The following CFAP54 variants were observed in gnomAD, a reference collection of about 807,000 sequenced individuals.
The protein encoded by CFAP54 is cilia and flagella associated protein 54.
A neutral mutation model predicts 370.4 loss-of-function variants in CFAP54; 290 were observed. That is an observed-to-expected ratio of 0.78 (90% CI 0.71 to 0.86). The LOEUF (loss-of-function observed/expected upper bound fraction) is 0.86. Ranked by LOEUF, CFAP54 falls within the 40% of genes least tolerant of loss-of-function variation. The pLI, the probability that CFAP54 is intolerant of heterozygous loss-of-function variation, is 0.00. For synonymous variants in CFAP54, 1,206 were observed against 1,236.5 expected (o/e 0.98, Z 0.52); for missense variants, 3,399 against 3,528.7 (o/e 0.96, Z 0.93).
intron 65 of CFAP54, among the ~76,000 whole-genome samples, chr12:96,821,043 AC>A (rs1293644714): frequency 1.3e-5 from 2 of 152,206 alleles, no homozygotes; most frequent in Middle Eastern, 3.4e-3. Context: ...TCTAGATTGT[AC>A]CCTCTGCCAC....
At chr12:96,640,383 T>C (rs1230596565) in intron 32 of CFAP54, among the ~76,000 whole-genome samples, 5 of 152,168 alleles carry the variant, frequency 3.3e-5, no homozygotes, top group African/African-American at 1.2e-4. Context: ...GTGAAGGACC[T>C]CTTCAAGGAG....
chr12:96,688,809 A>G, intron 42 of CFAP54, 107 bp from the exon 43 acceptor site: 1 of 571,018 alleles, frequency 1.8e-6, no homozygotes, highest in Non-Finnish European at 3.0e-6. Flanking sequence ...ATATGTATGC[A>G]TTTTTCTTAT....
At chr12:96,537,057 G>A (rs1955514939) in intron 12 of CFAP54, among the ~76,000 whole-genome samples, 1 of 152,084 alleles carries the variant, frequency 6.6e-6, no homozygotes, top group South Asian at 2.1e-4. Context: ...AACATTGCAG[G>A]AAGGTGCTAC....
chr12:96,862,011 A>G (rs1959891207), intron 67 of CFAP54, among the ~76,000 whole-genome samples: 1 of 152,182 alleles, frequency 6.6e-6, no homozygotes, highest in Non-Finnish European at 1.5e-5. Context: ...TACTAGTATT[A>G]AAAAGGCCTT....
At chr12:96,747,222 A>C (rs1958126110) in intron 55 of CFAP54, among the ~76,000 whole-genome samples, 1 of 152,214 alleles carries the variant, frequency 6.6e-6, no homozygotes, top group Non-Finnish European at 1.5e-5. Context: ...GTTGCAGAAT[A>C]ATTTTTATAC....
At chr12:96,757,346 A>G (rs891310651) in intron 57 of CFAP54, 149 bp from the exon 58 acceptor site, 2 of 446,966 alleles carry the variant, frequency 4.5e-6, no homozygotes, top group African/African-American at 2.0e-5. Context: ...ATCTATGGTC[A>G]AAAGTGCTAT....
intron 29 of CFAP54, among the ~76,000 whole-genome samples, chr12:96,626,144 GAGGCCA>G (rs1194850626): frequency 1.3e-5 from 2 of 152,146 alleles, no homozygotes; most frequent in Non-Finnish European, 2.9e-5. Flanking sequence ...AGCACTTTGG[GAGGCCA>G]AGGCAGGCAG....
Position 96,507,080 on chromosome 12 carries a change from T to G in CFAP54, c.720T>G (p.Leu240=). 1 of 1,532,044 alleles carries G rather than the reference T, an allele frequency of 6.5e-7. No homozygotes were observed. The highest frequency in any genetic ancestry group is 8.7e-7 in the Non-Finnish European group (1 of 1,145,836). 94.9% of individuals were successfully genotyped at this position (1,532,044 alleles called of 1,614,324 possible). A position where few individuals can be genotyped will look rare whatever the true frequency, so the allele number is the denominator to read the frequency against. Residue 240 remains leucine (L), a synonymous_variant, in exon 4 of 68, where the codon CTT becomes CTG. Coordinates refer to ENST00000524981, the MANE Select transcript of CFAP54 (RefSeq NM_001306084.2). ...IMQVALPQEH[L]CWIIFNGTIY... ...AAGTGGCTCTGCCACAAGAGCATCTTTGCTGGATTATCTTCAATGGTATAT... is the reference window on the plus strand; with the variant it reads ...AAGTGGCTCTGCCACAAGAGCATCTGTGCTGGATTATCTTCAATGGTATAT...
Position 96,824,437 on chromosome 12 carries a change from G to C in CFAP54, c.9097-4577G>C, listed in dbSNP as rs184240572. On this transcript the variant is annotated intron_variant, in intron 65 of 67. Transcript: ENST00000524981. ...TTAGTGACATAGACAGTGTCATTTT[G>C]TTTCATGGCTCTTAATGAAATCCTT... 1.1e-3 allele frequency among the ~76,000 whole-genome samples: 163 copies of C among 152,256 alleles called. 1 individual carries two copies. The highest frequency in any genetic ancestry group is 1.3e-3 in the Non-Finnish European group (89 of 68,024).
chr12:96,652,823 C>A (rs10777803), intron 36 of CFAP54, among the ~76,000 whole-genome samples: 120,143 of 152,076 alleles, frequency 0.79, 47,628 homozygotes, highest in East Asian at 0.86. Flanking sequence ...AGAACAATAA[C>A]GATAAAAAAG....
Position 96,732,548 on chromosome 12 carries a change from A to G in CFAP54, c.6966-7408A>G, listed in dbSNP as rs539520036. On this transcript the variant is annotated intron_variant, in intron 50 of 67. Coordinates refer to ENST00000524981, the MANE Select transcript of CFAP54 (RefSeq NM_001306084.2). ...AAATATTTTATTTATTTTAATATGTAATAGGTTTACTATTTTTATTTTAAG... is the reference window on the plus strand; with the variant it reads ...AAATATTTTATTTATTTTAATATGTGATAGGTTTACTATTTTTATTTTAAG... Among the ~76,000 whole-genome samples the G allele has an allele frequency of 5.3e-5, 8 of 152,302 alleles. No individual in the cohort carries two copies. The East Asian group carries it at 1.3e-3, about 26-fold the overall frequency.
intron 19 of CFAP54, among the ~76,000 whole-genome samples, 193 bp from the exon 20 acceptor site, chr12:96,576,392 C>T (rs552422193): frequency 6.6e-6 from 1 of 150,544 alleles, no homozygotes; most frequent in African/African-American, 2.4e-5. Flanking sequence ...CATGATTAAC[C>T]TTATCTAGTA....
chr12:96,867,948 T>G (rs1254284200), intron 67 of CFAP54, among the ~76,000 whole-genome samples: 2 of 152,218 alleles, frequency 1.3e-5, no homozygotes, highest in African/African-American at 2.4e-5. Context: ...ATTAATTGTC[T>G]CGATTTACCT....
rs1434606647 is a variant in CFAP54 at position 96,495,277 on chromosome 12, CTTCCTTCCTTCCTTCT to C, written c.317+5367_317+5382del. Among the ~76,000 whole-genome samples, 28 of 126,204 alleles carry C rather than the reference CTTCCTTCCTTCCTTCT, an allele frequency of 2.2e-4. 1 individual carries two copies. The highest frequency in any genetic ancestry group is 7.3e-4 in the Admixed American group (9 of 12,298). 82.8% of individuals were successfully genotyped at this position (126,204 alleles called of 152,430 possible). A position where few individuals can be genotyped will look rare whatever the true frequency, so the allele number is the denominator to read the frequency against. ...CCTTCCTTCCTTCCTTCCTTCCTTCCTTCCTTCCTTCCTTCTTTCCTTCCTTCCTTCCTTCCTTTTT... is the reference window on the plus strand; with the variant it reads ...CCTTCCTTCCTTCCTTCCTTCCTTCCTTCCTTCCTTCCTTCCTTCCTTTTT... On this transcript the variant is annotated intron_variant, in intron 1 of 67. Coordinates refer to ENST00000524981, the MANE Select transcript of CFAP54 (RefSeq NM_001306084.2).
intron 4 of CFAP54, among the ~76,000 whole-genome samples, chr12:96,508,591 A>AT (rs755495094): frequency 0.018 from 2,123 of 119,576 alleles, 37 homozygotes; most frequent in African/African-American, 0.043. Context: ...CGGCCTCTCA[A>AT]TTTTTTTTTT....
In CFAP54 at chr12:96,538,315, C is replaced by T. The variant is rs532940396; in HGVS notation, c.1792-69C>T. 631 of 1,300,312 alleles carry T rather than the reference C, an allele frequency of 4.9e-4. 8 individuals are homozygous for T. In the South Asian group the frequency reaches 8.5e-3, roughly 17 times the overall value. 80.5% of individuals were successfully genotyped at this position (1,300,312 alleles called of 1,614,324 possible). A position where few individuals can be genotyped will look rare whatever the true frequency, so the allele number is the denominator to read the frequency against. On this transcript the variant is annotated intron_variant, in intron 12 of 67. Coordinates refer to ENST00000524981, the MANE Select transcript of CFAP54 (RefSeq NM_001306084.2). ...GTAAAGCTCTTAGAGTGTTTCTCAG[C>T]ACACAGTAAATGTTATATACATGTA... is the stretch of plus-strand genomic sequence containing the variant.
At chr12:96,510,104 T>G (rs965206985) in intron 4 of CFAP54, among the ~76,000 whole-genome samples, 2 of 151,420 alleles carry the variant, frequency 1.3e-5, no homozygotes, top group African/African-American at 4.9e-5. Flanking sequence ...AATACAAAAA[T>G]TGGCCGGGTG....
Position 96,688,934 on chromosome 12 carries a change from T to C in CFAP54, c.6033T>C (p.Asn2011=). 1 of 1,581,286 alleles carries C rather than the reference T, an allele frequency of 6.3e-7. No individual in the cohort carries two copies. The highest frequency in any genetic ancestry group is 1.2e-5 in the South Asian group (1 of 84,570). ...AKIAQFIKSL[N]VEKKTDCCIL... is the part of the protein sequence containing the mutation. ...TACTTAGATTTATTAAGTCATTGAATGTTGAAAAGAAAACTGACTGTTGCA... is the reference window on the plus strand; with the variant it reads ...TACTTAGATTTATTAAGTCATTGAACGTTGAAAAGAAAACTGACTGTTGCA... The change falls in exon 43 of 68, where the codon AAT becomes AAC. Residue 2011 remains asparagine, a synonymous_variant. Coordinates refer to ENST00000524981, the MANE Select transcript of CFAP54 (RefSeq NM_001306084.2).
chr12:96,675,055 A>C (rs1034665143), intron 39 of CFAP54, among the ~76,000 whole-genome samples: 6 of 152,140 alleles, frequency 3.9e-5, no homozygotes, highest in African/African-American at 1.4e-4. Context: ...AAACACCAAA[A>C]GCAATGGCAA....
Sources: gnomAD v4.1 joint callset for allele counts (sites outside exome capture counted in the v4.1 genomes callset) on GRCh38, gnomAD v4.1.1 for gene constraint, MANE v1.5 for transcripts, NCBI Gene and HGNC (gene_info 2026-07-23, HGNC 2026-07-21) for gene names.